IFNGR1: variants seen among roughly 807,000 people sequenced by gnomAD.
The protein encoded by IFNGR1 is interferon gamma receptor 1, also known as AVP, type 2.
IFNGR1 carries 23 observed loss-of-function variants against 35.4 expected under a neutral mutation model. The observed-to-expected ratio is 0.65, with a 90% CI of 0.47 to 0.92. The LOEUF (loss-of-function observed/expected upper bound fraction) is 0.92, where lower values mean the gene tolerates loss of function less well. Among genes scored for constraint, IFNGR1 ranks in the 40% least tolerant of loss-of-function variants. IFNGR1 has a pLI of 0.00. For missense variants in IFNGR1, 533 were observed against 583.4 expected, an observed-to-expected ratio of 0.91 and a Z score of 0.89; for synonymous variants, 199 against 209.5, an observed-to-expected ratio of 0.95 and a Z score of 0.43.
intron 1 of IFNGR1, chr6:137,215,424 AC>A: frequency 7.9e-7 from 1 of 1,259,790 alleles, no homozygotes; most frequent in Non-Finnish European, 1.1e-6. Context: ...TCTTAAAAAT[AC>A]ACAAGACCTA....
chr6:137,199,274 T>TTATA lies in IFNGR1; in HGVS notation c.862-639_862-636dup, dbSNP rs376706088. ...TAAATAATACTAAATAAACTCCCCT[T>TTATA]TATATATATATATATGAAAAATATA... On this transcript the variant is annotated intron_variant, in intron 6 of 6. Transcript: ENST00000367739. Among the ~76,000 whole-genome samples, 378 of 131,612 alleles carry TTATA rather than the reference T, an allele frequency of 2.9e-3. 2 individuals carry two copies. Among genetic ancestry groups the TTATA allele is most frequent in the Middle Eastern group, 7.5e-3 (2 of 268 alleles). 86.3% of individuals were successfully genotyped at this position (131,612 alleles called of 152,430 possible).
At position 137,215,335 on chromosome 6, in the gene IFNGR1, TG is replaced by T. The variant is rs1250837836; in HGVS notation, c.85+3907del. On this transcript the variant is annotated intron_variant, in intron 1 of 6. Transcript: ENST00000367739. ...CTTCAAAAGCATCTGCTTCAGGTAA[TG>T]TTTCCTGATTTTATTACATTATCAC... 18 of 1,545,662 alleles carry T rather than the reference TG, an allele frequency of 1.2e-5. No homozygotes were observed. In the African/African-American group the frequency reaches 2.2e-4, roughly 19 times the overall value.
At chr6:137,215,467 T>C in intron 1 of IFNGR1, 1 of 753,140 alleles carries the variant, frequency 1.3e-6, no homozygotes, top group Non-Finnish European at 2.0e-6. Context: ...TTACTATGCA[T>C]TAGGATAATC....
intron 1 of IFNGR1, among the ~76,000 whole-genome samples, chr6:137,217,703 G>A (rs138379916): frequency 1.8e-4 from 27 of 152,158 alleles, no homozygotes; most frequent in Middle Eastern, 3.4e-3. Context: ...TTTAACTCTG[G>A]TTTTTCTGAG....
Position 137,200,861 on chromosome 6 carries a change from A to T in IFNGR1, c.861+20T>A. ...TTCAAGTTAACTTTTTAGTGTATATAAAAAAATTAAATACATTACCAAGGA... is the reference window on the plus strand; with the variant it reads ...TTCAAGTTAACTTTTTAGTGTATATTAAAAAATTAAATACATTACCAAGGA... On this transcript the variant is annotated intron_variant, in intron 6 of 6. Transcript: ENST00000367739. 6.6e-7 allele frequency: 1 copy of T among 1,515,200 alleles called. No homozygotes were observed. Among genetic ancestry groups the T allele is most frequent in the Non-Finnish European group, 9.0e-7 (1 of 1,109,460 alleles). The allele number at this position is 1,515,200 out of a possible 1,614,324, so 93.9% of individuals were successfully genotyped here.
chr6:137,201,137 G>T, intron 5 of IFNGR1, 129 bp from the exon 6 acceptor site: 1 of 929,576 alleles, frequency 1.1e-6, no homozygotes, highest in Non-Finnish European at 1.7e-6. Flanking sequence ...AAAGAACACT[G>T]AAGGAAGCAG....
At chr6:137,218,220 T>C (rs190907833) in intron 1 of IFNGR1, among the ~76,000 whole-genome samples, 15 of 152,304 alleles carry the variant, frequency 9.8e-5, no homozygotes, top group Admixed American at 7.9e-4. Context: ...CTCCAGAAGA[T>C]TGTTGTGAAC....
At chr6:137,210,120 G>A (rs1302707261) in intron 1 of IFNGR1, 2 of 353,952 alleles carry the variant, frequency 5.7e-6, no homozygotes, top group Non-Finnish European at 1.0e-5. Flanking sequence ...GGAGGCTGAG[G>A]TGGGAGGATC....
intron 5 of IFNGR1, 35 bp from the exon 6 acceptor site, chr6:137,201,043 G>T (rs1280042249): frequency 1.2e-6 from 2 of 1,604,304 alleles, no homozygotes; most frequent in African/African-American, 1.3e-5. Context: ...TTACAATTAA[G>T]ATGGAATACT....
At chr6:137,200,239 A>T (rs773254636) in intron 6 of IFNGR1, among the ~76,000 whole-genome samples, 1 of 152,238 alleles carries the variant, frequency 6.6e-6, no homozygotes, top group Non-Finnish European at 1.5e-5. Context: ...TGAGCATCAC[A>T]GATATTATTC....
chr6:137,219,048 G>A (rs1779779583), intron 1 of IFNGR1, 195 bp downstream of exon 1: 1 of 640,450 alleles, frequency 1.6e-6, no homozygotes, highest in South Asian at 1.9e-5. Flanking sequence ...CAGGAGAAAG[G>A]CAACCGACGA....
chr6:137,203,763 T>A, intron 4 of IFNGR1, 78 bp from the exon 5 acceptor site: 1 of 1,153,138 alleles, frequency 8.7e-7, no homozygotes, highest in Non-Finnish European at 1.3e-6. Flanking sequence ...ATATTAGTCC[T>A]GGTCAAACAA....
At chr6:137,199,007 C>T (rs1779172734) in intron 6 of IFNGR1, among the ~76,000 whole-genome samples, 2 of 152,020 alleles carry the variant, frequency 1.3e-5, no homozygotes, top group South Asian at 4.1e-4. Context: ...GGAAGACCCG[C>T]CCTTAACCCG....
chr6:137,208,031 T>G (rs1582639008), intron 1 of IFNGR1, among the ~76,000 whole-genome samples: 1 of 151,938 alleles, frequency 6.6e-6, no homozygotes. Flanking sequence ...TCAGTGGAGG[T>G]GAGGAACTTG....
chr6:137,214,703 C>G (rs966883113), intron 1 of IFNGR1, among the ~76,000 whole-genome samples: 5 of 152,192 alleles, frequency 3.3e-5, no homozygotes, highest in African/African-American at 9.7e-5. Flanking sequence ...TTAGTTCTGA[C>G]TGGACCAGAC....
chr6:137,203,066 C>T (rs928045086), intron 5 of IFNGR1, among the ~76,000 whole-genome samples: 4 of 152,086 alleles, frequency 2.6e-5, no homozygotes, highest in East Asian at 3.9e-4. Flanking sequence ...ATATTAATCT[C>T]GAGTCTTTGT....
chr6:137,198,840 G>A, intron 6 of IFNGR1, among the ~76,000 whole-genome samples: 1 of 152,146 alleles, frequency 6.6e-6, no homozygotes, highest in East Asian at 1.9e-4. Flanking sequence ...AAAGCCATCA[G>A]ATATCTTACT....
At chr6:137,211,926 C>T (rs1412498147) in intron 1 of IFNGR1, among the ~76,000 whole-genome samples, 1 of 152,118 alleles carries the variant, frequency 6.6e-6, no homozygotes, top group African/African-American at 2.4e-5. Flanking sequence ...TAAATCTGAG[C>T]CTTCCTTCGG....
chr6:137,201,107 G>C (rs1779267544), intron 5 of IFNGR1, 99 bp from the exon 6 acceptor site: 2 of 1,269,296 alleles, frequency 1.6e-6, no homozygotes, highest in Non-Finnish European at 2.3e-6. Flanking sequence ...TTACAAATTA[G>C]TGAATAGGGC....
Sources: gnomAD v4.1 joint callset for allele counts (sites outside exome capture counted in the v4.1 genomes callset) on GRCh38, gnomAD v4.1.1 for gene constraint, MANE v1.5 for transcripts, NCBI Gene and HGNC (gene_info 2026-07-23, HGNC 2026-07-21) for gene names.